CHD7: variants seen among roughly 807,000 people sequenced by gnomAD.
CHD7 encodes the protein ATP-dependent chromatin remodeler CHD7.
Under a neutral mutation model 307.3 loss-of-function variants are expected in CHD7, and 24 were observed. That is an observed-to-expected ratio of 0.08 (90% CI 0.06 to 0.11). CHD7 has a LOEUF of 0.11. Among genes scored for constraint, CHD7 ranks in the 10% least tolerant of loss-of-function variants. The probability of loss-of-function intolerance (pLI) is 1.00; values close to 1 mark genes in which losing one functional copy is unlikely to be tolerated. For missense variants in CHD7, 3,106 were observed against 3,727.1 expected, an observed-to-expected ratio of 0.83 and a Z score of 4.34; for synonymous variants, 1,363 against 1,349.9, an observed-to-expected ratio of 1.01 and a Z score of -0.21.
chr8:60,798,390 C>G (rs1326206904), intron 4 of CHD7, among the ~76,000 whole-genome samples: 1 of 152,246 alleles, frequency 6.6e-6, no homozygotes, highest in Non-Finnish European at 1.5e-5. Context: ...TCTGTGGCCA[C>G]AGCTGTGTGT....
chr8:60,704,550 C>T (rs1440195913), intron 1 of CHD7, among the ~76,000 whole-genome samples: 1 of 151,376 alleles, frequency 6.6e-6, no homozygotes, highest in Non-Finnish European at 1.5e-5. Flanking sequence ...TCTGGTTGCA[C>T]CATGTGCATA....
chr8:60,799,455 A>G (rs943896929), intron 4 of CHD7, among the ~76,000 whole-genome samples: 1 of 152,220 alleles, frequency 6.6e-6, no homozygotes, highest in African/African-American at 2.4e-5. Context: ...ATTATATTTT[A>G]AAAAGTAAAA....
chr8:60,745,919 C>A (rs555491372), intron 2 of CHD7, among the ~76,000 whole-genome samples: 1 of 152,320 alleles, frequency 6.6e-6, no homozygotes, highest in East Asian at 1.9e-4. Context: ...AGTATAATGT[C>A]CACTCCATGG....
In CHD7 at chr8:60,856,764, G is replaced by T. The variant is rs777215250; in HGVS notation, c.7484G>T (p.Arg2495Met). The T allele has an allele frequency of 6.2e-7, 1 of 1,613,992 alleles. No individual in the cohort carries two copies. Residue 2495 changes from arginine (R) to methionine (M), a missense_variant, in exon 34 of 38, where the codon AGG becomes ATG. Physicochemically the swap from Arg to Met is moderately conservative, Grantham distance 91. Around this residue, in one of 10 missense-constraint regions of CHD7, gnomAD observed 1,030 missense variants for 1,165.4 expected, o/e 0.88. Transcript: ENST00000423902. The stretch of plus-strand genomic sequence containing the variant: ...GCAGGCCTTTCGCGCACACCCACAA[G>T]GCATCTCCTTAATGGCTCCCTAGTG... ...LQAGLSRTPT[R>M]HLLNGSLVDG...
intron 2 of CHD7, among the ~76,000 whole-genome samples, chr8:60,751,853 A>G (rs777010971): frequency 1.3e-5 from 2 of 152,216 alleles, no homozygotes; most frequent in Non-Finnish European, 2.9e-5. Flanking sequence ...GTTGCATTTA[A>G]AAAAGTCAAC....
At position 60,794,987 on chromosome 8, in the gene CHD7, A is replaced by G. The variant is rs370267935; in HGVS notation, c.2098A>G (p.Asn700Asp). ...TAAGCGATCCACTTTGAATTCTAGT[A>G]ATAAGAAACCTGACTCAGAAGCAAG... ...PKPKSSKKSS[N>D]KKPDSEASAL... Residue 700 changes from asparagine to aspartate, a missense_variant and splice_region_variant, in exon 4 of 38, where the codon AAT becomes GAT. Around this residue, in one of 10 missense-constraint regions of CHD7, gnomAD observed 998 missense variants for 1,004.5 expected, o/e 0.99. Transcript: ENST00000423902. 99 of 1,612,168 alleles carry G rather than the reference A, an allele frequency of 6.1e-5. No homozygotes were observed. Among genetic ancestry groups the G allele is most frequent in the Non-Finnish European group, 8.1e-5 (95 of 1,179,370 alleles).
chr8:60,800,876 T>A (rs922738267), intron 5 of CHD7, among the ~76,000 whole-genome samples: 5 of 152,192 alleles, frequency 3.3e-5, no homozygotes, highest in African/African-American at 1.2e-4. Flanking sequence ...CAAGCTTGTC[T>A]CCTGCTGTTA....
At chr8:60,741,226 CCTT>C (rs1808982908) in intron 1 of CHD7, 30 bp from the exon 2 acceptor site, 1 of 562,998 alleles carries the variant, frequency 1.8e-6, no homozygotes, top group South Asian at 2.6e-5. Context: ...TTGTTTTCTT[CCTT>C]CTTCTCCCCC....
intron 2 of CHD7, among the ~76,000 whole-genome samples, chr8:60,752,435 T>C (rs998800796): frequency 6.6e-6 from 1 of 152,164 alleles, no homozygotes; most frequent in Non-Finnish European, 1.5e-5. Context: ...TCTCACCCAT[T>C]TGGTGGGCTG....
intron 6 of CHD7, among the ~76,000 whole-genome samples, chr8:60,807,275 G>A (rs911246223): frequency 5.3e-5 from 8 of 152,276 alleles, no homozygotes; most frequent in African/African-American, 1.9e-4. Flanking sequence ...TGACCCTCAA[G>A]GCAGGCTTGG....
In CHD7 at chr8:60,852,649, A is replaced by T; in HGVS notation, c.6046A>T (p.Ser2016Cys). 1 of 1,613,990 alleles carries T rather than the reference A, an allele frequency of 6.2e-7. No homozygotes were observed. The highest frequency in any genetic ancestry group is 1.7e-5 in the Admixed American group (1 of 60,024). Reference sequence around the variant, plus strand: ...TGATGAGAGTTTGGAGAAATACTTCAGTTGTTTTGTGGCCATGTGTAGGCG... The same window carrying T: ...TGATGAGAGTTTGGAGAAATACTTCTGTTGTTTTGTGGCCATGTGTAGGCG... ...KSDESLEKYF[S>C]CFVAMCRRVC... Residue 2016 changes from serine to cysteine, a missense_variant, in exon 30 of 38, where the codon AGT becomes TGT. Coordinates refer to ENST00000423902, the MANE Select transcript of CHD7 (RefSeq NM_017780.4).
chr8:60,687,953 C>G (rs1026917593), intron 1 of CHD7, among the ~76,000 whole-genome samples: 1 of 152,228 alleles, frequency 6.6e-6, no homozygotes, highest in African/African-American at 2.4e-5. Flanking sequence ...TCTTAATAGA[C>G]AAAGGTGTGT....
chr8:60,714,828 T>A (rs926999441), intron 1 of CHD7, among the ~76,000 whole-genome samples: 8 of 152,206 alleles, frequency 5.3e-5, no homozygotes, highest in Non-Finnish European at 5.9e-5. Context: ...AATTCTGTGT[T>A]CCAGGTCTGC....
At chr8:60,793,294 G>A (rs1381188648) in intron 3 of CHD7, among the ~76,000 whole-genome samples, 1 of 151,994 alleles carries the variant, frequency 6.6e-6, no homozygotes, top group African/African-American at 2.4e-5. Context: ...GGATCTTTCG[G>A]AGACAGTTTT....
chr8:60,814,191 C>G (rs547877797), intron 7 of CHD7, among the ~76,000 whole-genome samples: 1 of 152,306 alleles, frequency 6.6e-6, no homozygotes, highest in South Asian at 2.1e-4. Context: ...TCCTAAGCCT[C>G]CAGAATGGGT....
intron 1 of CHD7, among the ~76,000 whole-genome samples, chr8:60,709,689 CA>C (rs34655528): frequency 6.6e-6 from 1 of 152,034 alleles, no homozygotes; most frequent in East Asian, 1.9e-4. Flanking sequence ...ATTCATATCT[CA>C]AAAAAGGGAA....
chr8:60,851,134 G>C lies in CHD7; in HGVS notation c.5607+30G>C, dbSNP rs551954486. On this transcript the variant is annotated intron_variant, in intron 27 of 37. Transcript: ENST00000423902. ...GAACTTGAGTATATTGGCTTTTATAGCTCCATTAAAATATTATATGCCCAC... is the reference window on the plus strand; with the variant it reads ...GAACTTGAGTATATTGGCTTTTATACCTCCATTAAAATATTATATGCCCAC... The C allele has an allele frequency of 2.0e-6, 3 of 1,523,278 alleles. 1 individual carries two copies. Among genetic ancestry groups the C allele is most frequent in the African/African-American group, 2.8e-5 (2 of 72,552 alleles). The allele number at this position is 1,523,278 out of a possible 1,614,324, so 94.4% of individuals were successfully genotyped here. A position where few individuals can be genotyped will look rare whatever the true frequency, so the allele number is the denominator to read the frequency against.
chr8:60,857,508 C>T (rs1805768780), intron 34 of CHD7, among the ~76,000 whole-genome samples: 1 of 152,220 alleles, frequency 6.6e-6, no homozygotes, highest in African/African-American at 2.4e-5. Context: ...GTGCCTGACT[C>T]ACTGATGACC....
At chr8:60,838,404 T>G in intron 19 of CHD7, 149 bp downstream of exon 19, 2 of 726,600 alleles carry the variant, frequency 2.8e-6, no homozygotes. Flanking sequence ...CATGAAGCTT[T>G]CTTTATGCTT....
Sources: gnomAD v4.1 joint callset for allele counts (sites outside exome capture counted in the v4.1 genomes callset) on GRCh38, gnomAD v4.1.1 for gene constraint, gnomAD v4.1.1 regional missense constraint, MANE v1.5 for transcripts, NCBI Gene and HGNC (gene_info 2026-07-23, HGNC 2026-07-21) for gene names.